Variants in MSI2 observed in about 807,000 individuals in gnomAD.
MSI2 encodes RNA-binding protein Musashi homolog 2.
A neutral mutation model predicts 45.6 loss-of-function variants in MSI2; 17 were observed. The ratio of observed to expected loss-of-function variants is 0.37; its 90% confidence interval spans 0.26 to 0.56. The LOEUF is 0.56. Among genes scored for constraint, MSI2 ranks in the 20% least tolerant of loss-of-function variants. The pLI is 0.77. For missense variants in MSI2, 293 were observed against 444.2 expected (o/e 0.66, Z 3.06); for synonymous variants, 156 against 158.2 (o/e 0.99, Z 0.11).
chr17:57,548,565 A>G (rs1370481942), intron 7 of MSI2, among the ~76,000 whole-genome samples: 1 of 152,046 alleles, frequency 6.6e-6, no homozygotes, highest in East Asian at 1.9e-4. Flanking sequence ...CGTCTTATTA[A>G]CTTGTCTGGG....
chr17:57,391,674 G>A (rs1302863576), intron 5 of MSI2, among the ~76,000 whole-genome samples: 1 of 152,162 alleles, frequency 6.6e-6, no homozygotes. Context: ...GACAGGCACA[G>A]ATGGAAAGAC....
intron 8 of MSI2, among the ~76,000 whole-genome samples, chr17:57,600,036 A>G (rs1306942972): frequency 1.3e-5 from 2 of 152,252 alleles, no homozygotes; most frequent in Admixed American, 6.5e-5. Context: ...GGGTGTTGGT[A>G]GAGAAGCCTG....
At chr17:57,463,975 G>T (rs2085280095) in intron 6 of MSI2, among the ~76,000 whole-genome samples, 1 of 150,030 alleles carries the variant, frequency 6.7e-6, no homozygotes, top group African/African-American at 2.5e-5. Context: ...ATGTAGTTTG[G>T]TTCAGTTTAA....
At chr17:57,454,108 T>C (rs891805715) in intron 6 of MSI2, among the ~76,000 whole-genome samples, 97 of 152,304 alleles carry the variant, frequency 6.4e-4, no homozygotes, top group African/African-American at 2.3e-3. Context: ...AAGGGCTAAG[T>C]GGAGAGGACT....
At chr17:57,422,746 TA>T (rs1312260352) in intron 6 of MSI2, among the ~76,000 whole-genome samples, 4 of 152,254 alleles carry the variant, frequency 2.6e-5, no homozygotes, top group African/African-American at 9.6e-5. Context: ...CAGTACAGCG[TA>T]AATCACCATC....
intron 5 of MSI2, among the ~76,000 whole-genome samples, chr17:57,338,349 C>G (rs374389287): frequency 6.6e-6 from 1 of 152,180 alleles, no homozygotes; most frequent in Non-Finnish European, 1.5e-5. Flanking sequence ...CTTGGCCCCC[C>G]GAAGTGCTGG....
chr17:57,511,663 C>G (rs2086359296), intron 6 of MSI2, among the ~76,000 whole-genome samples: 1 of 152,168 alleles, frequency 6.6e-6, no homozygotes, highest in Non-Finnish European at 1.5e-5. Flanking sequence ...CCGTGCACAG[C>G]AGGGTTGATT....
chr17:57,318,595 G>A (rs1598112858), intron 5 of MSI2, among the ~76,000 whole-genome samples: 1 of 152,080 alleles, frequency 6.6e-6, no homozygotes, highest in Admixed American at 6.5e-5. Flanking sequence ...GAAGGCAGAG[G>A]GTGCTGGGAC....
At chr17:57,409,398 G>A (rs187238268) in intron 6 of MSI2, among the ~76,000 whole-genome samples, 3 of 152,268 alleles carry the variant, frequency 2.0e-5, no homozygotes, top group Admixed American at 6.5e-5. Context: ...ATTAAATGGC[G>A]GAGGGAAAGC....
chr17:57,570,288 T>C (rs1335526558), intron 7 of MSI2, among the ~76,000 whole-genome samples: 2 of 152,144 alleles, frequency 1.3e-5, no homozygotes, highest in Non-Finnish European at 1.5e-5. Context: ...GACATCCCTG[T>C]CTTTTAAAAC....
At chr17:57,558,859 G>A (rs993303180) in intron 7 of MSI2, among the ~76,000 whole-genome samples, 2 of 152,092 alleles carry the variant, frequency 1.3e-5, no homozygotes, top group African/African-American at 2.4e-5. Flanking sequence ...TCAGGAGTTC[G>A]AGACCAGCCT....
At chr17:57,690,682 A>T in the MSI2 span, among the ~76,000 whole-genome samples, 2 of 152,204 alleles carry the variant, frequency 1.3e-5, no homozygotes, top group African/African-American at 4.8e-5. Context: ...TATTCTGAAT[A>T]CAAGTTCTTT....
intron 5 of MSI2, among the ~76,000 whole-genome samples, chr17:57,389,584 A>G (rs2083750463): frequency 6.6e-6 from 1 of 152,186 alleles, no homozygotes. Context: ...TGGAGCAGAG[A>G]TGAGGTCTCA....
Position 57,659,775 on chromosome 17 carries a change from A to G in MSI2, c.790+7614A>G, listed in dbSNP as rs1911863730. Reference sequence around the variant, plus strand: ...TAAAAGCCCATGTAGGGACAGCCCAAGTAGCCTCAGCTTCTAGCTCTATAT... The same window carrying G: ...TAAAAGCCCATGTAGGGACAGCCCAGGTAGCCTCAGCTTCTAGCTCTATAT... On this transcript the variant is annotated intron_variant, in intron 11 of 13. Coordinates refer to ENST00000284073, the MANE Select transcript of MSI2 (RefSeq NM_138962.4). Among the ~76,000 whole-genome samples the G allele has an allele frequency of 2.0e-5, 3 of 152,220 alleles. No homozygotes were observed. The South Asian group carries it at 6.2e-4, about 31-fold the overall frequency.
intron 5 of MSI2, among the ~76,000 whole-genome samples, chr17:57,340,358 C>T (rs766040069): frequency 6.6e-6 from 1 of 152,210 alleles, no homozygotes; most frequent in Non-Finnish European, 1.5e-5. Flanking sequence ...TTTCCCAGAG[C>T]CTCCACTTCT....
chr17:57,342,536 C>G (rs1230177876), intron 5 of MSI2, among the ~76,000 whole-genome samples: 1 of 152,200 alleles, frequency 6.6e-6, no homozygotes, highest in African/African-American at 2.4e-5. Context: ...AAGTCTAAAT[C>G]TGGACTAGAA....
intron 5 of MSI2, among the ~76,000 whole-genome samples, chr17:57,392,001 C>A (rs8075882): frequency 6.6e-6 from 1 of 152,040 alleles, no homozygotes; most frequent in Non-Finnish European, 1.5e-5. Context: ...CACTGGGGGG[C>A]AGCGGCTCCC....
intron 6 of MSI2, among the ~76,000 whole-genome samples, chr17:57,497,381 G>A (rs1256315756): frequency 6.6e-6 from 1 of 152,212 alleles, no homozygotes; most frequent in Non-Finnish European, 1.5e-5. Context: ...CACGTATAAA[G>A]CGAGGAAAGG....
At chr17:57,381,583 G>A (rs572159561) in intron 5 of MSI2, among the ~76,000 whole-genome samples, 53 of 152,126 alleles carry the variant, frequency 3.5e-4, no homozygotes, top group Non-Finnish European at 7.2e-4. Flanking sequence ...CAAGACTGTC[G>A]GTGTCACTGC....
Sources: allele counts gnomAD v4.1 joint callset (sites outside exome capture counted in the v4.1 genomes callset), GRCh38; gene constraint gnomAD v4.1.1; transcripts MANE v1.5; gene names NCBI Gene and HGNC (gene_info 2026-07-23, HGNC 2026-07-21).